The following AFF2 variants were observed in gnomAD, a reference collection of about 807,000 sequenced individuals.
The protein encoded by AFF2 is ALF transcription elongation factor 2.
AFF2 carries 14 observed loss-of-function variants against 76.9 expected under a neutral mutation model. The ratio of observed to expected loss-of-function variants is 0.18; its 90% CI spans 0.12 to 0.28. AFF2 has a LOEUF of 0.28. Among genes scored for constraint, AFF2 ranks in the 10% least tolerant of loss-of-function variants. The pLI, the probability that AFF2 is intolerant of heterozygous loss-of-function variation, is 1.00. For synonymous variants in AFF2, 398 were observed against 366.7 expected (o/e 1.09, Z -0.98); for missense variants, 868 against 1,001.1 (o/e 0.87, Z 1.79).
chrX:148,668,230 C>G (rs1447547466), intron 3 of AFF2, among the ~76,000 whole-genome samples: 12 of 113,348 alleles, frequency 1.1e-4, no homozygotes, highest in Non-Finnish European at 2.1e-4. Flanking sequence ...TTGGACAGCT[C>G]TGCCCCTGTG....
intron 1 of AFF2, among the ~76,000 whole-genome samples, chrX:148,502,662 G>A (rs782273124): frequency 5.5e-4 from 62 of 112,466 alleles, no homozygotes; most frequent in African/African-American, 1.9e-3. Flanking sequence ...CCTTTACTCT[G>A]CTTCACTAAT....
intron 9 of AFF2, among the ~76,000 whole-genome samples, chrX:148,944,186 C>T (rs2071872876): frequency 8.9e-6 from 1 of 112,262 alleles, no homozygotes; most frequent in Non-Finnish European, 1.9e-5. Flanking sequence ...CTGGGTTCTC[C>T]TGACAAGCAG....
At chrX:148,917,844 A>G (rs2124253487) in intron 9 of AFF2, among the ~76,000 whole-genome samples, 1 of 112,410 alleles carries the variant, frequency 8.9e-6, no homozygotes, top group East Asian at 2.8e-4. Flanking sequence ...GTGATGGGGT[A>G]AAAATATCCC....
chrX:148,602,285 G>A (rs955779015), intron 1 of AFF2, among the ~76,000 whole-genome samples: 3 of 111,575 alleles, frequency 2.7e-5, no homozygotes, highest in African/African-American at 9.8e-5. Flanking sequence ...AGAAGAAGGC[G>A]GGGACAGATA....
In AFF2 at chrX:148,888,841, A is replaced by G. The variant is rs185984019; in HGVS notation, c.1359+2856A>G. Among the ~76,000 whole-genome samples, 8 of 111,620 alleles carry G rather than the reference A, an allele frequency of 7.2e-5. 1 individual carries two copies. The East Asian group carries it at 2.3e-3, about 32-fold the overall frequency. On this transcript the variant is annotated intron_variant, in intron 8 of 20. Coordinates refer to ENST00000370460, the MANE Select transcript of AFF2 (RefSeq NM_002025.4). ...TGCGGAGTCATTCCATTTGTGGCAGAATGATTGGGGAGAAAGCATACAGAC... is the reference window on the plus strand; with the variant it reads ...TGCGGAGTCATTCCATTTGTGGCAGGATGATTGGGGAGAAAGCATACAGAC...
At chrX:148,817,833 A>G (rs1272083287) in intron 4 of AFF2, among the ~76,000 whole-genome samples, 3 of 112,011 alleles carry the variant, frequency 2.7e-5, no homozygotes, top group Non-Finnish European at 5.7e-5. Context: ...ATCCATTTGT[A>G]TAATGCCTTT....
chrX:148,607,165 G>T (rs2053680189), intron 1 of AFF2, among the ~76,000 whole-genome samples: 1 of 111,500 alleles, frequency 9.0e-6, no homozygotes, highest in South Asian at 3.7e-4. Context: ...GCTAGTAAAA[G>T]CTCTTGCCCA....
chrX:148,649,037 G>T (rs917500736), intron 1 of AFF2, among the ~76,000 whole-genome samples: 6 of 111,371 alleles, frequency 5.4e-5, no homozygotes, highest in African/African-American at 2.0e-4. Context: ...CAGGTTTTTG[G>T]CTTGAGCATT....
intron 8 of AFF2, 30 bp from the exon 9 acceptor site, chrX:148,904,191 G>A: frequency 1.0e-6 from 1 of 994,236 alleles, no homozygotes; most frequent in Non-Finnish European, 1.4e-6. Context: ...TGCTAATATT[G>A]TCTAATTGCA....
intron 3 of AFF2, among the ~76,000 whole-genome samples, chrX:148,680,659 C>G (rs1189126583): frequency 8.9e-6 from 1 of 111,866 alleles, no homozygotes; most frequent in Non-Finnish European, 1.9e-5. Flanking sequence ...AAGAAACTTA[C>G]ATCTAGCAGG....
chrX:148,983,761 C>A (rs1557291106), intron 19 of AFF2, among the ~76,000 whole-genome samples: 1 of 108,433 alleles, frequency 9.2e-6, no homozygotes, highest in African/African-American at 3.4e-5. Context: ...CTCTGCCAGG[C>A]CTTTTGTAGA....
intron 3 of AFF2, among the ~76,000 whole-genome samples, chrX:148,764,819 G>T (rs2069493145): frequency 8.9e-6 from 1 of 111,896 alleles, no homozygotes; most frequent in Non-Finnish European, 1.9e-5. Context: ...ATTTCTGAAT[G>T]GTTGTACTCA....
chrX:148,667,743 CTAT>C (rs1272426182), intron 3 of AFF2, among the ~76,000 whole-genome samples: 1 of 111,532 alleles, frequency 9.0e-6, no homozygotes, highest in Admixed American at 9.5e-5. Flanking sequence ...CAATTACTTC[CTAT>C]TGGGTTCCTC....
intron 9 of AFF2, among the ~76,000 whole-genome samples, chrX:148,926,752 G>T (rs2071655390): frequency 8.9e-6 from 1 of 111,958 alleles, no homozygotes; most frequent in African/African-American, 3.2e-5. Context: ...CATTTTCCCA[G>T]TGATTGAACC....
intron 1 of AFF2, among the ~76,000 whole-genome samples, chrX:148,643,809 C>T (rs1048009356): frequency 9.0e-6 from 1 of 111,560 alleles, no homozygotes; most frequent in Non-Finnish European, 1.9e-5. Flanking sequence ...GAGATAGGCA[C>T]CCCTCTCAAG....
At chrX:148,702,715 A>T (rs1458454119) in intron 3 of AFF2, among the ~76,000 whole-genome samples, 2 of 112,181 alleles carry the variant, frequency 1.8e-5, no homozygotes, top group Non-Finnish European at 3.8e-5. Flanking sequence ...ACTGCAGTTC[A>T]AGCCCATATG....
At chrX:148,749,971 A>G (rs2055476977) in intron 3 of AFF2, among the ~76,000 whole-genome samples, 1 of 106,392 alleles carries the variant, frequency 9.4e-6, no homozygotes. Context: ...TTATTTATTT[A>G]TTTATTTATT....
At chrX:148,710,980 G>A (rs2054960481) in intron 3 of AFF2, among the ~76,000 whole-genome samples, 1 of 111,483 alleles carries the variant, frequency 9.0e-6, no homozygotes, top group Non-Finnish European at 1.9e-5. Flanking sequence ...TAATTATTTA[G>A]AAACCTTTTT....
At chrX:148,888,156 ACTCCATACC>A (rs1557279313) in intron 8 of AFF2, among the ~76,000 whole-genome samples, 1 of 110,819 alleles carries the variant, frequency 9.0e-6, no homozygotes, top group African/African-American at 3.3e-5. Context: ...CCAAGTGGAA[ACTCCATACC>A]CATTAAACAG....
Sources: gnomAD v4.1 joint callset for allele counts (sites outside exome capture counted in the v4.1 genomes callset) on GRCh38, gnomAD v4.1.1 for gene constraint, MANE v1.5 for transcripts, NCBI Gene and HGNC (gene_info 2026-07-23, HGNC 2026-07-21) for gene names.